Variants in CNTNAP2 observed in about 807,000 individuals in gnomAD.
CNTNAP2 encodes the protein contactin-associated protein-like 2.
A neutral mutation model predicts 155.2 loss-of-function variants in CNTNAP2; 98 were observed. The ratio of observed to expected loss-of-function variants is 0.63; its 90% CI spans 0.54 to 0.75. The LOEUF is 0.75. Ranked by LOEUF, CNTNAP2 falls within the 30% of genes least tolerant of loss-of-function variation. The pLI, the probability that CNTNAP2 is intolerant of heterozygous loss-of-function variation, is 0.00. For missense variants in CNTNAP2, 1,727 were observed against 1,688.1 expected (o/e 1.02, Z -0.40); for synonymous variants, 651 against 631.2 (o/e 1.03, Z -0.47).
In CNTNAP2 at chr7:146,642,584, G is replaced by C. The variant is rs1193288562; in HGVS notation, c.98-131687G>C. Reference sequence around the variant, plus strand: ...TGTTGGACATTTGGGTTGGTTCCAAGTCTTTGCTATTGTGAATAGTGCCGC... The same window carrying C: ...TGTTGGACATTTGGGTTGGTTCCAACTCTTTGCTATTGTGAATAGTGCCGC... On this transcript the variant is annotated intron_variant, in intron 1 of 23. Transcript: ENST00000361727. 4.0e-5 allele frequency among the ~76,000 whole-genome samples: 6 copies of C among 151,518 alleles called. No homozygotes were observed. The South Asian group carries it at 8.4e-4, about 21-fold the overall frequency.
chr7:147,608,088 T>C (rs11773848), intron 12 of CNTNAP2, among the ~76,000 whole-genome samples: 103,694 of 151,662 alleles, frequency 0.68, 35,881 homozygotes, highest in African/African-American at 0.78. Context: ...CCTAGAACAG[T>C]GCTTGGAATA....
At chr7:147,395,311 G>A (rs1796795621) in intron 9 of CNTNAP2, among the ~76,000 whole-genome samples, 1 of 151,978 alleles carries the variant, frequency 6.6e-6, no homozygotes, top group Admixed American at 6.6e-5. Context: ...TGACAGCAGA[G>A]GGACAGAAAG....
intron 4 of CNTNAP2, among the ~76,000 whole-genome samples, chr7:147,064,923 A>G (rs1799750523): frequency 5.3e-5 from 8 of 152,210 alleles, no homozygotes. Context: ...TCCTTATGAA[A>G]TAAGCTGATG....
At chr7:146,294,380 T>C (rs956546545) in intron 1 of CNTNAP2, among the ~76,000 whole-genome samples, 8 of 152,116 alleles carry the variant, frequency 5.3e-5, no homozygotes, top group African/African-American at 1.9e-4. Context: ...AAAGGTAGCC[T>C]AGAAGAGGAG....
chr7:147,700,315 C>T (rs1167066104), intron 13 of CNTNAP2, among the ~76,000 whole-genome samples: 1 of 152,144 alleles, frequency 6.6e-6, no homozygotes, highest in African/African-American at 2.4e-5. Flanking sequence ...TAGTGAAATA[C>T]AGCTTGGGGC....
chr7:146,330,453 A>AGGTAT (rs1482280566), intron 1 of CNTNAP2, among the ~76,000 whole-genome samples: 5 of 152,180 alleles, frequency 3.3e-5, no homozygotes, highest in Admixed American at 1.3e-4. Flanking sequence ...CTCACAGAGC[A>AGGTAT]CACAATCAAT....
intron 11 of CNTNAP2, among the ~76,000 whole-genome samples, chr7:147,553,194 A>C (rs953779937): frequency 9.2e-5 from 14 of 152,148 alleles, no homozygotes; most frequent in African/African-American, 3.4e-4. Flanking sequence ...TGGACAGGGA[A>C]ACGGGACTAG....
chr7:147,251,757 T>C (rs1804203102), intron 8 of CNTNAP2, among the ~76,000 whole-genome samples: 1 of 152,142 alleles, frequency 6.6e-6, no homozygotes, highest in South Asian at 2.1e-4. Context: ...AGCAAACAAA[T>C]AAAATGAACC....
intron 8 of CNTNAP2, among the ~76,000 whole-genome samples, chr7:147,135,390 T>C (rs10278454): frequency 0.59 from 90,152 of 151,534 alleles, 26,949 homozygotes; most frequent in Middle Eastern, 0.72. Flanking sequence ...AAAACCCTAC[T>C]TACTTTTTGA....
intron 3 of CNTNAP2, among the ~76,000 whole-genome samples, chr7:146,916,087 C>T (rs1796389069): frequency 6.6e-6 from 1 of 151,894 alleles, no homozygotes; most frequent in Admixed American, 6.6e-5. Flanking sequence ...ATGTGATTTT[C>T]ATTTTAAATT....
chr7:147,776,774 A>C (rs931475420), intron 13 of CNTNAP2, among the ~76,000 whole-genome samples: 10 of 151,866 alleles, frequency 6.6e-5, no homozygotes, highest in African/African-American at 2.4e-4. Context: ...AATAACATCT[A>C]AGCAATGAGA....
chr7:147,812,397 A>G (rs1021509260), intron 13 of CNTNAP2, among the ~76,000 whole-genome samples: 1 of 152,148 alleles, frequency 6.6e-6, no homozygotes. Flanking sequence ...TTACCTTGAT[A>G]GAGGCATTCA....
At chr7:147,591,755 A>G (rs1800737903) in intron 12 of CNTNAP2, among the ~76,000 whole-genome samples, 2 of 152,162 alleles carry the variant, frequency 1.3e-5, no homozygotes, top group East Asian at 1.9e-4. Context: ...CCTTCAGGAT[A>G]ATGTCCACTG....
intron 3 of CNTNAP2, among the ~76,000 whole-genome samples, chr7:146,856,309 C>T (rs140434667): frequency 7.0e-6 from 1 of 142,990 alleles, no homozygotes; most frequent in Non-Finnish European, 1.5e-5. Context: ...TACATACATA[C>T]ATACATACAT....
intron 13 of CNTNAP2, among the ~76,000 whole-genome samples, chr7:147,666,865 T>C (rs1795704711): frequency 6.6e-6 from 1 of 152,212 alleles, no homozygotes; most frequent in Non-Finnish European, 1.5e-5. Context: ...ACCATAGCCA[T>C]GATCTCAAAG....
chr7:148,276,442 CG>C (rs1417303856), intron 21 of CNTNAP2, among the ~76,000 whole-genome samples: 3 of 152,226 alleles, frequency 2.0e-5, no homozygotes, highest in Non-Finnish European at 4.4e-5. Context: ...CAGGGCATCT[CG>C]CCACCTCCTC....
At chr7:146,974,986 A>G (rs1797880217) in intron 3 of CNTNAP2, among the ~76,000 whole-genome samples, 4 of 152,168 alleles carry the variant, frequency 2.6e-5, no homozygotes, top group Non-Finnish European at 5.9e-5. Flanking sequence ...AACAAAACAA[A>G]GCAAAACAAG....
At chr7:147,703,867 C>A (rs1796272022) in intron 13 of CNTNAP2, among the ~76,000 whole-genome samples, 1 of 152,178 alleles carries the variant, frequency 6.6e-6, no homozygotes, top group Non-Finnish European at 1.5e-5. Flanking sequence ...CCCATGCACA[C>A]ACCCTTCCCA....
chr7:147,509,161 A>G (rs79300087), intron 11 of CNTNAP2, among the ~76,000 whole-genome samples: 4,781 of 152,144 alleles, frequency 0.031, 225 homozygotes, highest in African/African-American at 0.11. Context: ...CATGTTCTTC[A>G]TTACTCAGCT....
Sources: gnomAD v4.1 joint callset for allele counts (sites outside exome capture counted in the v4.1 genomes callset) on GRCh38, gnomAD v4.1.1 for gene constraint, MANE v1.5 for transcripts, NCBI Gene and HGNC (gene_info 2026-07-23, HGNC 2026-07-21) for gene names.